ZNF395: variants seen among roughly 807,000 people sequenced by gnomAD.
ZNF395 encodes the protein HD gene regulatory region-binding protein 2.
Under a neutral mutation model 57.7 loss-of-function variants are expected in ZNF395, and 20 were observed. The ratio of observed to expected loss-of-function variants is 0.35; its 90% CI spans 0.24 to 0.50. The LOEUF (loss-of-function observed/expected upper bound fraction) is 0.50, where lower values mean the gene tolerates loss of function less well. Among genes scored for constraint, ZNF395 ranks in the 20% least tolerant of loss-of-function variants. ZNF395 has a pLI of 0.97. For missense variants in ZNF395, 606 were observed against 671.2 expected (o/e 0.90, Z 1.07); for synonymous variants, 295 against 275.9 (o/e 1.07, Z -0.69).
At chr8:28,376,256 A>G (rs376771198) in intron 1 of ZNF395, among the ~76,000 whole-genome samples, 1 of 152,072 alleles carries the variant, frequency 6.6e-6, no homozygotes, top group Non-Finnish European at 1.5e-5. Flanking sequence ...GACCACAGGT[A>G]GTCTCAAAGT....
Position 28,356,709 on chromosome 8 carries a change from C to T in ZNF395, c.544G>A (p.Val182Ile), listed in dbSNP as rs1412484896. ...MVLTSLSCSP[V>I]VQSPPGTEAN... Reference sequence around the variant, plus strand: ...TCGGTCCCGGGAGGACTCTGTACAACAGGGCTGCAGGACAGGGACGTCAGC... The same window carrying T: ...TCGGTCCCGGGAGGACTCTGTACAATAGGGCTGCAGGACAGGGACGTCAGC... Residue 182 changes from valine to isoleucine, a missense_variant, in exon 4 of 10, where the codon GTT becomes ATT. By Grantham distance (29) the Val-to-Ile change is conservative (BLOSUM62 3). Around this residue, in one of 3 missense-constraint regions of ZNF395, gnomAD observed 309 missense variants for 374.7 expected, o/e 0.82. Coordinates refer to ENST00000344423, the MANE Select transcript of ZNF395 (RefSeq NM_018660.3). The surrounding 1 kb of genome is among the most constrained non-coding windows in gnomAD (Gnocchi z 4.0). The T allele has an allele frequency of 1.2e-6, 2 of 1,614,212 alleles. No individual in the cohort carries two copies. Among genetic ancestry groups the T allele is most frequent in the Non-Finnish European group, 1.7e-6 (2 of 1,180,040 alleles).
chr8:28,383,706 G>A (rs1174825282), intron 1 of ZNF395, among the ~76,000 whole-genome samples: 3 of 151,994 alleles, frequency 2.0e-5, no homozygotes, highest in Admixed American at 6.6e-5. Flanking sequence ...GGCATCCTCC[G>A]CTGCCCCCCT....
intron 1 of ZNF395, among the ~76,000 whole-genome samples, chr8:28,377,409 ATTTT>A (rs578253150): frequency 1.9e-4 from 29 of 152,186 alleles, no homozygotes; most frequent in African/African-American, 6.7e-4. Context: ...TCTCAAAAAA[ATTTT>A]TTTTAATTCA....
intron 1 of ZNF395, among the ~76,000 whole-genome samples, chr8:28,377,860 T>G (rs1802060341): frequency 6.8e-6 from 1 of 147,732 alleles, no homozygotes; most frequent in Non-Finnish European, 1.5e-5. Context: ...TGGGTTCAAG[T>G]GATTCTCCTG....
chr8:28,346,445 C>G lies in ZNF395; in HGVS notation c.*2274G>C. On this transcript the variant is annotated 3_prime_UTR_variant, in exon 10 of 10. Coordinates refer to ENST00000344423, the MANE Select transcript of ZNF395 (RefSeq NM_018660.3). ...GGGTGGAAGGGAGGCAAGGAGGCCG[C>G]CAGTGCCAAGGAGGAGAGGGGGCAC... 6.6e-6 allele frequency: 1 copy of G among 152,652 alleles called. No homozygotes were observed. Among genetic ancestry groups the G allele is most frequent in the Non-Finnish European group, 1.5e-5 (1 of 68,352 alleles). The allele number at this position is 152,652 out of a possible 1,614,324, so 9.5% of individuals were successfully genotyped here. A position where few individuals can be genotyped will look rare whatever the true frequency, so the allele number is the denominator to read the frequency against.
rs11136045 is a variant in ZNF395, at chr8:28,345,785, T to A, written c.*2934A>T. ...TTGCTTTTTTTTTTTTTGCCCCTGG[T>A]AAAAGTCAGAACCTGGGATGACCAG... On this transcript the variant is annotated 3_prime_UTR_variant, in exon 10 of 10. Transcript: ENST00000344423. 2 of 109,426 alleles carry A rather than the reference T, an allele frequency of 1.8e-5. 1 individual carries two copies. The highest frequency in any genetic ancestry group is 3.9e-5 in the Non-Finnish European group (2 of 51,298). 6.8% of individuals were successfully genotyped at this position (109,426 alleles called of 1,614,324 possible). A position where few individuals can be genotyped will look rare whatever the true frequency, so the allele number is the denominator to read the frequency against.
rs1431156071 is a variant in ZNF395, at chr8:28,356,816, T to C, written c.474-37A>G. On this transcript the variant is annotated intron_variant, in intron 3 of 9. Coordinates refer to ENST00000344423, the MANE Select transcript of ZNF395 (RefSeq NM_018660.3). The surrounding 1 kb of genome is among the most constrained non-coding windows in gnomAD (Gnocchi z 4.0). ...CGGATGAGTGGGAAATGTTACTTCC[T>C]GGCATGGCGGGCCCATGGTCCTTGC... The C allele has an allele frequency of 2.6e-6, 4 of 1,552,724 alleles. No individual in the cohort carries two copies. The highest frequency in any genetic ancestry group is 3.5e-6 in the Non-Finnish European group (4 of 1,135,810).
Position 28,352,051 on chromosome 8 carries a change from C to CT in ZNF395, c.921-245dup, listed in dbSNP as rs567773626. ...CTCCCGGAACATGTGCCAACCTCTC[C>CT]TCTGGCAGGAGGCATCCCACACTGA... On this transcript the variant is annotated intron_variant, in intron 6 of 9. Coordinates refer to ENST00000344423, the MANE Select transcript of ZNF395 (RefSeq NM_018660.3). This position sits in a 1 kb window ranked among gnomAD's most constrained non-coding sequence, Gnocchi z 4.0. Among the ~76,000 whole-genome samples the CT allele has an allele frequency of 2.6e-5, 4 of 152,352 alleles. No individual in the cohort carries two copies. In the East Asian group the frequency reaches 7.7e-4, roughly 29 times the overall value.
rs1457672300 is a variant in ZNF395 at position 28,345,672 on chromosome 8, A to T, written c.*3047T>A. 2 of 152,238 alleles carry T rather than the reference A, an allele frequency of 1.3e-5. No individual in the cohort carries two copies. The highest frequency in any genetic ancestry group is 2.9e-5 in the Non-Finnish European group (2 of 67,986). 9.4% of individuals were successfully genotyped at this position (152,238 alleles called of 1,614,324 possible). On this transcript the variant is annotated 3_prime_UTR_variant, in exon 10 of 10. Transcript: ENST00000344423. The stretch of plus-strand genomic sequence containing the variant: ...ACATTACATTTCACATTTTTAAAAA[A>T]TTTTTTAACAGTAAAAATAATACTT...
At chr8:28,371,286 T>C (rs967912769) in intron 1 of ZNF395, among the ~76,000 whole-genome samples, 2 of 152,216 alleles carry the variant, frequency 1.3e-5, no homozygotes, top group African/African-American at 4.8e-5. Flanking sequence ...GTTCAAGCTA[T>C]CCTGCCACCT....
At chr8:28,384,216 GGACACACAGGGTGGCATGCA>G (rs1463054578) in intron 1 of ZNF395, among the ~76,000 whole-genome samples, 1 of 152,096 alleles carries the variant, frequency 6.6e-6, no homozygotes, top group African/African-American at 2.4e-5. Flanking sequence ...TGTCTCCTTA[GGACACACAGGGTGGCATGCA>G]ATCACCAAAA....
At chr8:28,368,671 A>T (rs1801940741) in intron 1 of ZNF395, 1 of 150,414 alleles carries the variant, frequency 6.6e-6, no homozygotes, top group African/African-American at 2.4e-5. Flanking sequence ...TGCCAATTAA[A>T]AAAAAAAAAA....
intron 4 of ZNF395, among the ~76,000 whole-genome samples, chr8:28,355,568 C>G (rs894162463): frequency 6.6e-6 from 1 of 151,974 alleles, no homozygotes; most frequent in African/African-American, 2.4e-5. Flanking sequence ...ATGATGGGAA[C>G]TGGAGTCAAT....
At chr8:28,367,997 A>G (rs1801931826) in intron 1 of ZNF395, among the ~76,000 whole-genome samples, 1 of 152,204 alleles carries the variant, frequency 6.6e-6, no homozygotes, top group Non-Finnish European at 1.5e-5. Flanking sequence ...GAGGGGACGC[A>G]GTTGTCCTGC....
Position 28,348,013 on chromosome 8 carries a change from AT to A in ZNF395, c.*705del, listed in dbSNP as rs773872989. 6.6e-6 allele frequency: 1 copy of A among 152,196 alleles called. No individual in the cohort carries two copies. The highest frequency in any genetic ancestry group is 1.5e-5 in the Non-Finnish European group (1 of 68,038). The allele number at this position is 152,196 out of a possible 1,614,324, so 9.4% of individuals were successfully genotyped here. ...TTCTGATCAGCCTTTTGGCTCAGCT[AT>A]TTGGCGACAGTCTTTTAAAAAACCT... On this transcript the variant is annotated 3_prime_UTR_variant, in exon 10 of 10. Transcript: ENST00000344423.
intron 9 of ZNF395, 97 bp from the exon 10 acceptor site, chr8:28,348,927 G>A: frequency 2.3e-6 from 3 of 1,329,030 alleles, no homozygotes; most frequent in Non-Finnish European, 3.2e-6. Flanking sequence ...GGCCAAAGGG[G>A]CAGCTCCCGG....
At chr8:28,366,318 G>A (rs112544174) in intron 1 of ZNF395, among the ~76,000 whole-genome samples, 1 of 152,132 alleles carries the variant, frequency 6.6e-6, no homozygotes, top group African/African-American at 2.4e-5. Context: ...TAGGTGTTTG[G>A]TTAATATTTA....
chr8:28,381,014 A>AGTGTGTGTGT (rs10561721), intron 1 of ZNF395, among the ~76,000 whole-genome samples: 3,549 of 134,218 alleles, frequency 0.026, 67 homozygotes, highest in Admixed American at 0.033. Context: ...ACACCCTGCT[A>AGTGTGTGTGT]GTGTGTGTGT....
rs551361179 is a variant in ZNF395, at chr8:28,348,632, C to T, written c.*87G>A. The stretch of plus-strand genomic sequence containing the variant: ...CTCCGTGTTTCCGTTCTTTCTCTTT[C>T]GGTTTCTGCTGAGGGCTGGTGACAC... On this transcript the variant is annotated 3_prime_UTR_variant, in exon 10 of 10. Coordinates refer to ENST00000344423, the MANE Select transcript of ZNF395 (RefSeq NM_018660.3). 4.9e-6 allele frequency: 6 copies of T among 1,216,976 alleles called. No individual in the cohort carries two copies. The East Asian group carries it at 1.2e-4, about 24-fold the overall frequency. 75.4% of individuals were successfully genotyped at this position (1,216,976 alleles called of 1,614,324 possible).
Sources: allele counts gnomAD v4.1 joint callset (sites outside exome capture counted in the v4.1 genomes callset), GRCh38; gene constraint gnomAD v4.1.1; regional missense constraint gnomAD v4.1.1; non-coding constraint Gnocchi (gnomAD v3.1); transcripts MANE v1.5; gene names NCBI Gene and HGNC (gene_info 2026-07-23, HGNC 2026-07-21).